The following DNAH8 variants were observed in gnomAD, a reference collection of about 807,000 sequenced individuals.
DNAH8 encodes the protein dynein axonemal heavy chain 8.
DNAH8 carries 382 observed loss-of-function variants against 562.1 expected under a neutral mutation model. The ratio of observed to expected loss-of-function variants is 0.68; its 90% CI spans 0.63 to 0.74. The LOEUF is 0.74. Ranked by LOEUF, DNAH8 falls within the 30% of genes least tolerant of loss-of-function variation. DNAH8 has a pLI of 0.00. For synonymous variants in DNAH8, 1,881 were observed against 1,919.4 expected (o/e 0.98, Z 0.52); for missense variants, 5,203 against 5,620.4 (o/e 0.93, Z 2.37).
chr6:38,765,436 T>G (rs571978639), intron 11 of DNAH8, among the ~76,000 whole-genome samples: 1 of 152,338 alleles, frequency 6.6e-6, no homozygotes, highest in African/African-American at 2.4e-5. Flanking sequence ...AGGTCTTATC[T>G]TTACATGTTT....
At chr6:38,734,283 CAA>C (rs55678363) in intron 4 of DNAH8, among the ~76,000 whole-genome samples, 189 bp from the exon 5 acceptor site, 49 of 121,644 alleles carry the variant, frequency 4.0e-4, no homozygotes, top group Non-Finnish European at 4.5e-4. Context: ...GACTCTGTCT[CAA>C]AAAAAAAAAA....
rs532480015 is a variant in DNAH8 at position 38,929,319 on chromosome 6, C to A, written c.11119-192C>A. 9.5e-5 allele frequency: 48 copies of A among 506,410 alleles called. No individual in the cohort carries two copies. The South Asian group carries it at 1.5e-3, about 16-fold the overall frequency. The allele number at this position is 506,410 out of a possible 1,614,324, so 31.4% of individuals were successfully genotyped here. A position where few individuals can be genotyped will look rare whatever the true frequency, so the allele number is the denominator to read the frequency against. On this transcript the variant is annotated intron_variant, in intron 74 of 92. Coordinates refer to ENST00000327475, the MANE Select transcript of DNAH8 (RefSeq NM_001206927.2). ...ATAGAGACCCCATTACACATCTAGA[C>A]CCCATTCAACAAAATCATGACTCAC... is the stretch of plus-strand genomic sequence containing the variant.
intron 33 of DNAH8, among the ~76,000 whole-genome samples, chr6:38,841,725 A>G (rs1774809571): frequency 6.8e-6 from 1 of 147,600 alleles, no homozygotes; most frequent in African/African-American, 2.5e-5. Flanking sequence ...CACATGTGGG[A>G]TTTTTTTTTT....
At chr6:38,823,435 TACCC>T (rs1181394468) in intron 27 of DNAH8, 123 bp from the exon 28 acceptor site, 29 of 687,274 alleles carry the variant, frequency 4.2e-5, no homozygotes, top group Non-Finnish European at 6.4e-5. Context: ...CCCTATTTCT[TACCC>T]AGCCACTGGC....
At chr6:38,803,797 G>A (rs1479888855) in intron 22 of DNAH8, among the ~76,000 whole-genome samples, 1 of 150,316 alleles carries the variant, frequency 6.7e-6, no homozygotes, top group Non-Finnish European at 1.5e-5. Flanking sequence ...TCTCTGTGTA[G>A]AGTAAGCTAT....
chr6:38,951,252 C>A, intron 81 of DNAH8, 66 bp from the exon 82 acceptor site: 2 of 1,366,742 alleles, frequency 1.5e-6, no homozygotes, highest in Non-Finnish European at 2.1e-6. Context: ...TATGTTTTTA[C>A]TTACTCAGAT....
At chr6:38,796,082 A>G (rs1314121389) in intron 21 of DNAH8, among the ~76,000 whole-genome samples, 1 of 152,200 alleles carries the variant, frequency 6.6e-6, no homozygotes, top group Non-Finnish European at 1.5e-5. Context: ...TGGGTGTGCT[A>G]GAAGGATGCT....
rs74832216 is a variant in DNAH8 at position 38,733,230 on chromosome 6, T to A, written c.611-1244T>A. Among the ~76,000 whole-genome samples, 67 of 151,748 alleles carry A rather than the reference T, an allele frequency of 4.4e-4. 2 individuals carry two copies. The East Asian group carries it at 0.013, about 28-fold the overall frequency. On this transcript the variant is annotated intron_variant, in intron 4 of 92. Transcript: ENST00000327475. ...TTTTATTACATTTTAAATTGGCTAT[T>A]GCTGCAAATAGAAGGCTGTTGATTT...
intron 66 of DNAH8, among the ~76,000 whole-genome samples, chr6:38,912,853 A>G (rs1179733510): frequency 6.6e-6 from 1 of 150,878 alleles, no homozygotes; most frequent in African/African-American, 2.4e-5. Context: ...TCTGTTGCCC[A>G]GGTTGGAGTG....
chr6:38,906,417 A>G lies in DNAH8; in HGVS notation c.9348+10A>G, dbSNP rs754991413. 6.5e-7 allele frequency: 1 copy of G among 1,544,018 alleles called. No homozygotes were observed. Among genetic ancestry groups the G allele is most frequent in the South Asian group, 1.3e-5 (1 of 78,042 alleles). On this transcript the variant is annotated intron_variant, in intron 63 of 92. Transcript: ENST00000327475. ...GCTATCTTCAGGGGAGGTAAGTCTC[A>G]AAAGTAGAGAAAAAGCCCATATTGT...
intron 24 of DNAH8, among the ~76,000 whole-genome samples, chr6:38,808,326 G>A (rs1292723005): frequency 4.6e-5 from 7 of 152,116 alleles, no homozygotes; most frequent in Admixed American, 4.6e-4. Flanking sequence ...AGTACCCATG[G>A]CCCCTCATCC....
At chr6:38,781,155 A>C in intron 15 of DNAH8, 99 bp from the exon 16 acceptor site, 1 of 1,343,364 alleles carries the variant, frequency 7.4e-7, no homozygotes, top group East Asian at 2.4e-5. Flanking sequence ...TGTATATAAA[A>C]CATGAATAAT....
chr6:38,730,863 C>G (rs1763611782), intron 4 of DNAH8, among the ~76,000 whole-genome samples: 1 of 152,090 alleles, frequency 6.6e-6, no homozygotes, highest in South Asian at 2.1e-4. Context: ...CCTTTCTCTC[C>G]TCACCTGGCT....
chr6:38,961,404 CATA>C (rs923172011), intron 82 of DNAH8, among the ~76,000 whole-genome samples: 2 of 151,858 alleles, frequency 1.3e-5, no homozygotes, highest in African/African-American at 4.8e-5. Context: ...ACACTGTACC[CATA>C]AATATTTACA....
At chr6:38,860,422 C>T (rs756390395) in intron 42 of DNAH8, 35 bp from the exon 43 acceptor site, 1 of 1,234,310 alleles carries the variant, frequency 8.1e-7, no homozygotes, top group Non-Finnish European at 1.1e-6. Context: ...TATTGCAATT[C>T]AGTATATAAT....
At chr6:38,747,538 C>G (rs1765057032) in intron 8 of DNAH8, among the ~76,000 whole-genome samples, 1 of 152,084 alleles carries the variant, frequency 6.6e-6, no homozygotes, top group Admixed American at 6.5e-5. Flanking sequence ...AGGCACATGC[C>G]ACCATACCCA....
chr6:38,758,301 G>C (rs1320164561), intron 10 of DNAH8, among the ~76,000 whole-genome samples: 1 of 151,740 alleles, frequency 6.6e-6, no homozygotes, highest in Non-Finnish European at 1.5e-5. Flanking sequence ...TTGTGAATGG[G>C]AGTTCACTCA....
At chr6:38,756,179 C>G (rs1765892352) in intron 10 of DNAH8, 100 bp downstream of exon 10, 2 of 755,696 alleles carry the variant, frequency 2.6e-6, no homozygotes, top group Non-Finnish European at 4.7e-6. Flanking sequence ...CTAAGTGCCT[C>G]TCAGAGTTTT....
intron 41 of DNAH8, 122 bp from the exon 42 acceptor site, chr6:38,857,396 A>T: frequency 1.6e-6 from 1 of 642,322 alleles, no homozygotes; most frequent in Non-Finnish European, 2.8e-6. Flanking sequence ...CTCCTTTGGG[A>T]GTGAAGAAAT....
Sources: allele counts gnomAD v4.1 joint callset (sites outside exome capture counted in the v4.1 genomes callset), GRCh38; gene constraint gnomAD v4.1.1; transcripts MANE v1.5; gene names NCBI Gene and HGNC (gene_info 2026-07-23, HGNC 2026-07-21).